BAZ2B: variants seen among roughly 807,000 people sequenced by gnomAD.
The protein encoded by BAZ2B is bromodomain adjacent to zinc finger domain protein 2B.
Under a neutral mutation model 246.0 loss-of-function variants are expected in BAZ2B, and 91 were observed. The observed-to-expected ratio is 0.37, with a 90% CI of 0.31 to 0.44. The LOEUF is 0.44. Among genes scored for constraint, BAZ2B ranks in the 20% least tolerant of loss-of-function variants. BAZ2B has a pLI of 1.00. For missense variants in BAZ2B, 2,332 were observed against 2,533.7 expected (o/e 0.92, Z 1.71); for synonymous variants, 855 against 860.0 (o/e 0.99, Z 0.10).
At chr2:159,583,984 G>A (rs962057566) in intron 1 of BAZ2B, among the ~76,000 whole-genome samples, 3 of 152,210 alleles carry the variant, frequency 2.0e-5, no homozygotes, top group African/African-American at 7.2e-5. Context: ...GAGTGAAGAA[G>A]AAGTGTATTA....
Position 159,430,964 on chromosome 2 carries a change from G to A in BAZ2B, c.2093C>T (p.Ala698Val). The part of the protein sequence containing the change: ...GHSTPRNLHI[A>V]KAPGSAPAAL... ...AGCAGGAGCAGAGCCTGGGGCTTTT[G>A]CTATGTGGAGGTTACGAGGTGTTGA... is the stretch of plus-strand genomic sequence containing the variant. The change falls in exon 10 of 37, where the codon GCA (alanine) becomes GTA (valine). Residue 698 changes from alanine to valine, a missense_variant. This residue lies in a region of BAZ2B where 651 missense variants were observed against 650.9 expected (regional missense o/e 1.00). Coordinates refer to ENST00000392783, the MANE Select transcript of BAZ2B (RefSeq NM_013450.4). 1 of 1,614,048 alleles carries A rather than the reference G, an allele frequency of 6.2e-7. No individual in the cohort carries two copies. The highest frequency in any genetic ancestry group is 8.5e-7 in the Non-Finnish European group (1 of 1,179,904).
At chr2:159,653,529 A>G in the BAZ2B span, among the ~76,000 whole-genome samples, 1 of 152,212 alleles carries the variant, frequency 6.6e-6, no homozygotes, top group Non-Finnish European at 1.5e-5. Context: ...ACCTCTAAAC[A>G]AAACTTGAGA....
chr2:159,642,269 G>A, the BAZ2B span, among the ~76,000 whole-genome samples: 2,417 of 126,094 alleles, frequency 0.019, 31 homozygotes, highest in Middle Eastern at 0.055. Context: ...ACAAAGTCTC[G>A]CTCTGTCACC....
At chr2:159,356,979 A>G (rs2059181256) in intron 27 of BAZ2B, among the ~76,000 whole-genome samples, 1 of 152,198 alleles carries the variant, frequency 6.6e-6, no homozygotes, top group South Asian at 2.1e-4. Flanking sequence ...GCTGACCAAC[A>G]TCAAAGACCA....
chr2:159,515,894 T>TA (rs2083390085), intron 2 of BAZ2B, among the ~76,000 whole-genome samples: 1 of 152,118 alleles, frequency 6.6e-6, no homozygotes, highest in South Asian at 2.1e-4. Flanking sequence ...AAGATAAAAT[T>TA]AGAGTTTATC....
At chr2:159,340,903 A>T (rs1303661019) in intron 31 of BAZ2B, among the ~76,000 whole-genome samples, 1 of 152,154 alleles carries the variant, frequency 6.6e-6, no homozygotes, top group Non-Finnish European at 1.5e-5. Context: ...GATAAACTGT[A>T]TCCTTATGGA....
intron 1 of BAZ2B, among the ~76,000 whole-genome samples, chr2:159,590,482 T>C (rs1347708858): frequency 6.6e-6 from 1 of 151,326 alleles, no homozygotes; most frequent in African/African-American, 2.4e-5. Flanking sequence ...TCTCAGCTAC[T>C]AGAGAGGCTG....
chr2:159,647,359 C>T, the BAZ2B span, among the ~76,000 whole-genome samples: 3 of 152,126 alleles, frequency 2.0e-5, no homozygotes, highest in Non-Finnish European at 4.4e-5. Flanking sequence ...GTCCAGTCTC[C>T]CAGCTCAATA....
At chr2:159,346,590 T>G (rs907661372) in intron 31 of BAZ2B, among the ~76,000 whole-genome samples, 1 of 152,018 alleles carries the variant, frequency 6.6e-6, no homozygotes, top group African/African-American at 2.4e-5. Flanking sequence ...TTTGGAAGCC[T>G]GAGGCAGGAG....
chr2:159,415,193 C>T (rs1053679131), intron 13 of BAZ2B, among the ~76,000 whole-genome samples: 3 of 151,928 alleles, frequency 2.0e-5, no homozygotes, highest in Non-Finnish European at 4.4e-5. Context: ...ATGCCTATAA[C>T]ACCAGCACTT....
At chr2:159,426,097 C>T (rs1364337336) in intron 13 of BAZ2B, among the ~76,000 whole-genome samples, 1 of 152,132 alleles carries the variant, frequency 6.6e-6, no homozygotes, top group Non-Finnish European at 1.5e-5. Context: ...ATGTTGGCAG[C>T]TTAACATATT....
the BAZ2B span, among the ~76,000 whole-genome samples, chr2:159,655,465 A>G: frequency 6.6e-6 from 1 of 152,168 alleles, no homozygotes; most frequent in Non-Finnish European, 1.5e-5. Context: ...TTTAGCTGTC[A>G]GCACTTTCAC....
At chr2:159,672,556 C>T in the BAZ2B span, among the ~76,000 whole-genome samples, 7 of 152,170 alleles carry the variant, frequency 4.6e-5, no homozygotes, top group Admixed American at 1.3e-4. Flanking sequence ...AATACAGTTG[C>T]CAGTGATGCT....
At chr2:159,547,442 CAA>C (rs975863624) in intron 2 of BAZ2B, among the ~76,000 whole-genome samples, 3 of 152,020 alleles carry the variant, frequency 2.0e-5, no homozygotes, top group African/African-American at 7.2e-5. Context: ...ATAAAAAGAA[CAA>C]AGAGGTCAAA....
At chr2:159,641,288 G>A in the BAZ2B span, among the ~76,000 whole-genome samples, 28 of 152,138 alleles carry the variant, frequency 1.8e-4, no homozygotes, top group African/African-American at 6.8e-4. Context: ...TCTCATTGCG[G>A]TTTTGAGTTG....
the BAZ2B span, among the ~76,000 whole-genome samples, chr2:159,677,335 AT>A: frequency 2.0e-5 from 3 of 152,002 alleles, no homozygotes; most frequent in Admixed American, 2.0e-4. Flanking sequence ...ACACAATGAT[AT>A]TTTGTTTCAA....
At chr2:159,427,479 C>T (rs1184174379) in intron 13 of BAZ2B, among the ~76,000 whole-genome samples, 4 of 152,064 alleles carry the variant, frequency 2.6e-5, no homozygotes, top group Non-Finnish European at 5.9e-5. Flanking sequence ...ACTTATCAAA[C>T]TTGTGAAAAT....
chr2:159,487,858 A>T (rs1407141496), intron 2 of BAZ2B, among the ~76,000 whole-genome samples: 3 of 151,902 alleles, frequency 2.0e-5, no homozygotes, highest in African/African-American at 7.2e-5. Context: ...ACCAAAGATA[A>T]GAATAATAGT....
chr2:159,504,188 T>A (rs2082102158), intron 2 of BAZ2B, among the ~76,000 whole-genome samples: 1 of 152,010 alleles, frequency 6.6e-6, no homozygotes, highest in African/African-American at 2.4e-5. Context: ...ATACTTTAAG[T>A]TTTAGGGTAC....
Sources: allele counts gnomAD v4.1 joint callset (sites outside exome capture counted in the v4.1 genomes callset), GRCh38; gene constraint gnomAD v4.1.1; regional missense constraint gnomAD v4.1.1; transcripts MANE v1.5; gene names NCBI Gene and HGNC (gene_info 2026-07-23, HGNC 2026-07-21).